Variants in OPCML observed in about 807,000 individuals in gnomAD.
OPCML encodes opioid-binding protein/cell adhesion molecule.
OPCML carries 13 observed loss-of-function variants against 37.8 expected under a neutral mutation model. That is an observed-to-expected ratio of 0.34 (90% CI 0.22 to 0.55). OPCML has a LOEUF of 0.55. Ranked by LOEUF, OPCML falls within the 20% of genes least tolerant of loss-of-function variation. OPCML has a pLI of 0.91. For missense variants in OPCML, 341 were observed against 435.6 expected (o/e 0.78, Z 1.93); for synonymous variants, 176 against 168.8 (o/e 1.04, Z -0.33).
intron 1 of OPCML, among the ~76,000 whole-genome samples, chr11:132,966,071 T>C (rs1946207661): frequency 6.6e-6 from 1 of 152,008 alleles, no homozygotes; most frequent in African/African-American, 2.4e-5. Context: ...TTTCTTTTTC[T>C]CCTTTAGCTT....
intron 2 of OPCML, among the ~76,000 whole-genome samples, chr11:132,783,417 G>A (rs923708047): frequency 6.6e-5 from 10 of 152,090 alleles, no homozygotes; most frequent in African/African-American, 1.7e-4. Flanking sequence ...CCAGGAGGCC[G>A]CATTTAAAGA....
chr11:132,444,021 G>C (rs976307164), intron 4 of OPCML, among the ~76,000 whole-genome samples: 15 of 152,322 alleles, frequency 9.8e-5, no homozygotes, highest in Non-Finnish European at 2.2e-4. Context: ...TAGAATGCTT[G>C]ACTTTAGTAC....
chr11:132,832,204 T>C (rs1940728093), intron 2 of OPCML, among the ~76,000 whole-genome samples: 2 of 150,030 alleles, frequency 1.3e-5, no homozygotes, highest in Non-Finnish European at 2.9e-5. Context: ...TCTAATTACA[T>C]GTTCCTTCCC....
At chr11:133,138,536 T>A (rs932127495) in intron 1 of OPCML, among the ~76,000 whole-genome samples, 2 of 152,188 alleles carry the variant, frequency 1.3e-5, no homozygotes, top group Non-Finnish European at 2.9e-5. Flanking sequence ...CAAAATCAAG[T>A]TTCTTCACCT....
chr11:132,934,337 C>T (rs1218672130), intron 2 of OPCML, among the ~76,000 whole-genome samples: 2 of 152,062 alleles, frequency 1.3e-5, no homozygotes, highest in Non-Finnish European at 2.9e-5. Context: ...GGGACTAAGA[C>T]CCATTGACAA....
intron 1 of OPCML, among the ~76,000 whole-genome samples, chr11:133,441,892 A>G (rs1277778617): frequency 6.6e-6 from 1 of 152,228 alleles, no homozygotes; most frequent in African/African-American, 2.4e-5. Flanking sequence ...CAGAACAGAA[A>G]TTATGTTAAA....
At chr11:132,629,859 A>C (rs936960214) in intron 3 of OPCML, among the ~76,000 whole-genome samples, 3 of 152,228 alleles carry the variant, frequency 2.0e-5, no homozygotes, top group African/African-American at 7.2e-5. Context: ...AGAAAATAAA[A>C]GGCACTAATA....
At chr11:132,805,742 A>G (rs921778464) in intron 2 of OPCML, among the ~76,000 whole-genome samples, 1 of 152,240 alleles carries the variant, frequency 6.6e-6, no homozygotes, top group Non-Finnish European at 1.5e-5. Flanking sequence ...ATTTGTTGAC[A>G]GCAGATTTTC....
At chr11:132,420,542 T>A in intron 7 of OPCML, 1 of 318,032 alleles carries the variant, frequency 3.1e-6, no homozygotes, top group Non-Finnish European at 4.5e-6. Context: ...AAGCTCAGGC[T>A]AGTCATTGAG....
chr11:132,868,831 T>G (rs1008839335), intron 2 of OPCML, among the ~76,000 whole-genome samples: 1 of 152,158 alleles, frequency 6.6e-6, no homozygotes, highest in Non-Finnish European at 1.5e-5. Context: ...TGAGAATTGT[T>G]TGACTTTGAG....
At chr11:133,518,206 C>T (rs1440217864) in intron 1 of OPCML, among the ~76,000 whole-genome samples, 8 of 150,360 alleles carry the variant, frequency 5.3e-5, no homozygotes, top group South Asian at 2.1e-4. Flanking sequence ...TGTATGGAAG[C>T]GTGTATAAGT....
intron 3 of OPCML, among the ~76,000 whole-genome samples, chr11:132,559,431 T>C (rs2096405596): frequency 6.6e-6 from 1 of 152,148 alleles, no homozygotes; most frequent in Non-Finnish European, 1.5e-5. Context: ...TAAGGAAGTG[T>C]TTAAGAGCAG....
At position 132,676,952 on chromosome 11, in the gene OPCML, T is replaced by G. The variant is rs1942738212; in HGVS notation, c.147-19633A>C. The stretch of plus-strand genomic sequence containing the variant: ...GATTAAGAAGAAAGAAACCAAACTG[T>G]CTTTGTTCACATATCACATTTGATA... On this transcript the variant is annotated intron_variant, in intron 2 of 7. Transcript: ENST00000524381. Among the ~76,000 whole-genome samples the G allele has an allele frequency of 2.0e-5, 3 of 151,994 alleles. No homozygotes were observed. In the South Asian group the frequency reaches 6.2e-4, roughly 31 times the overall value.
At chr11:132,435,741 A>G (rs1297384496) in intron 7 of OPCML, among the ~76,000 whole-genome samples, 2 of 152,238 alleles carry the variant, frequency 1.3e-5, no homozygotes, top group Non-Finnish European at 2.9e-5. Context: ...TCACCCCCAG[A>G]ATCAGAGACT....
intron 2 of OPCML, among the ~76,000 whole-genome samples, chr11:132,690,009 C>T (rs547705516): frequency 6.6e-5 from 10 of 152,314 alleles, no homozygotes; most frequent in East Asian, 3.9e-4. Flanking sequence ...AAACAAGTTT[C>T]GTGGACCTTC....
chr11:133,262,100 T>A (rs1682615543), intron 1 of OPCML, among the ~76,000 whole-genome samples: 1 of 152,236 alleles, frequency 6.6e-6, no homozygotes, highest in African/African-American at 2.4e-5. Context: ...AAAAATTATA[T>A]ACGCTTTTGA....
At chr11:133,348,072 G>T (rs1017152943) in intron 1 of OPCML, among the ~76,000 whole-genome samples, 2 of 152,138 alleles carry the variant, frequency 1.3e-5, no homozygotes, top group African/African-American at 4.8e-5. Flanking sequence ...AAAAAAAGCT[G>T]TTCTTTCTCT....
chr11:132,966,422 C>T (rs10791265), intron 1 of OPCML, among the ~76,000 whole-genome samples: 48,780 of 151,890 alleles, frequency 0.32, 8,114 homozygotes, highest in Admixed American at 0.43. Flanking sequence ...CCATACTTTC[C>T]ATTATTTCAA....
At chr11:133,424,790 A>G (rs1945966600) in intron 1 of OPCML, among the ~76,000 whole-genome samples, 1 of 152,242 alleles carries the variant, frequency 6.6e-6, no homozygotes, top group South Asian at 2.1e-4. Flanking sequence ...ATGAATGATA[A>G]GCTTAATTAA....
Sources: gnomAD v4.1 joint callset for allele counts (sites outside exome capture counted in the v4.1 genomes callset) on GRCh38, gnomAD v4.1.1 for gene constraint, MANE v1.5 for transcripts, NCBI Gene and HGNC (gene_info 2026-07-23, HGNC 2026-07-21) for gene names.